The following MOGAT2 variants were observed in gnomAD, a reference collection of about 807,000 sequenced individuals.
MOGAT2 encodes 2-acylglycerol O-acyltransferase 2.
Under a neutral mutation model 31.5 loss-of-function variants are expected in MOGAT2, and 27 were observed. The ratio of observed to expected loss-of-function variants is 0.86; its 90% CI spans 0.63 to 1.18. MOGAT2 has a LOEUF of 1.18. Ranked by LOEUF, MOGAT2 falls within the 50% of genes most tolerant of loss-of-function variation. MOGAT2 has a pLI of 0.00. For synonymous variants in MOGAT2, 163 were observed against 170.0 expected (o/e 0.96, Z 0.32); for missense variants, 436 against 433.2 (o/e 1.01, Z -0.06).
At chr11:75,729,081 C>T in intron 5 of MOGAT2, 92 bp downstream of exon 5, 1 of 1,236,582 alleles carries the variant, frequency 8.1e-7, no homozygotes. Context: ...CAGATTTATT[C>T]CTGCCCTAAT....
rs528469190 is a variant in MOGAT2 at position 75,720,094 on chromosome 11, G to A, written c.194G>A (p.Arg65Gln). ...TGGTATCTGGACCGAGACAAGCCAC[G>A]GCAGGGGGGCCGGCACATCCAGGCC... The part of the protein sequence containing the change: ...AWWYLDRDKP[R>Q]QGGRHIQAIR... Residue 65 changes from arginine (R) to glutamine (Q), a missense_variant, in exon 2 of 6, where the codon CGG (arginine) becomes CAG (glutamine). Physicochemically the swap from Arg to Gln is conservative, Grantham distance 43 (BLOSUM62 1). Coordinates refer to ENST00000198801, the MANE Select transcript of MOGAT2 (RefSeq NM_025098.4). The A allele has an allele frequency of 1.6e-5, 26 of 1,614,152 alleles. No homozygotes were observed. Among genetic ancestry groups the A allele is most frequent in the East Asian group, 1.3e-4 (6 of 44,880 alleles).
intron 4 of MOGAT2, 112 bp downstream of exon 4, chr11:75,728,256 C>A: frequency 8.0e-7 from 1 of 1,242,316 alleles, no homozygotes; most frequent in Non-Finnish European, 1.1e-6. Context: ...TAGAGATTTT[C>A]AGTCCATTCA....
At chr11:75,729,929 G>A (rs925398810) in intron 5 of MOGAT2, among the ~76,000 whole-genome samples, 3 of 151,652 alleles carry the variant, frequency 2.0e-5, no homozygotes, top group Admixed American at 6.6e-5. Context: ...ATTTTTAGTA[G>A]AGACAGGGTT....
intron 2 of MOGAT2, among the ~76,000 whole-genome samples, chr11:75,726,627 A>G (rs1555053389): frequency 6.9e-6 from 1 of 144,860 alleles, no homozygotes; most frequent in South Asian, 2.1e-4. Context: ...GCAACAATCT[A>G]TTTTTTTTTC....
Position 75,728,798 on chromosome 11 carries a change from T to C in MOGAT2, c.659T>C (p.Leu220Pro). Residue 220 changes from leucine to proline, a missense_variant, in exon 5 of 6, where the codon CTG becomes CCG. Leu to Pro is a moderately conservative substitution (Grantham distance 98, BLOSUM62 -3). Coordinates refer to ENST00000198801, the MANE Select transcript of MOGAT2 (RefSeq NM_025098.4). ...CCTCTATTTGTCTCCAGGGCACCCC[T>C]GGTGCCAATCTTCTCCTTCGGGGAG... The part of the protein sequence containing the change: ...VRLALTHGAP[L>P]VPIFSFGEND... 6.2e-7 allele frequency: 1 copy of C among 1,613,776 alleles called. No homozygotes were observed. Among genetic ancestry groups the C allele is most frequent in the South Asian group, 1.1e-5 (1 of 91,074 alleles).
intron 4 of MOGAT2, 67 bp downstream of exon 4, chr11:75,728,211 G>A (rs1944440491): frequency 1.0e-5 from 15 of 1,480,326 alleles, no homozygotes; most frequent in Non-Finnish European, 1.4e-5. Context: ...ATTTTGGTGG[G>A]AAGATGGCAG....
At chr11:75,721,660 G>A (rs983028844) in intron 2 of MOGAT2, among the ~76,000 whole-genome samples, 3 of 152,108 alleles carry the variant, frequency 2.0e-5, no homozygotes, top group African/African-American at 2.4e-5. Flanking sequence ...AAGTGTGGTC[G>A]TGACCTCGAG....
At chr11:75,728,506 G>C (rs888305680) in intron 4 of MOGAT2, 17 of 554,826 alleles carry the variant, frequency 3.1e-5, no homozygotes, top group Non-Finnish European at 4.8e-5. Flanking sequence ...TATTTTTCTA[G>C]GAAAAACAAT....
intron 4 of MOGAT2, chr11:75,728,408 A>G (rs912932973): frequency 3.3e-6 from 2 of 610,882 alleles, no homozygotes; most frequent in Non-Finnish European, 5.9e-6. Context: ...GGTATCTAGA[A>G]GAGTGATATT....
chr11:75,725,370 CA>C (rs1944412442), intron 2 of MOGAT2, among the ~76,000 whole-genome samples: 1 of 151,980 alleles, frequency 6.6e-6, no homozygotes, highest in Non-Finnish European at 1.5e-5. Context: ...CATGGTGAAA[CA>C]CCCTGTCTCT....
intron 1 of MOGAT2, among the ~76,000 whole-genome samples, chr11:75,718,515 G>A (rs1448995599): frequency 3.9e-5 from 6 of 152,158 alleles, no homozygotes; most frequent in African/African-American, 7.2e-5. Context: ...ACTGACTTTA[G>A]CCAGCCCATG....
At chr11:75,719,473 C>G (rs746600526) in intron 1 of MOGAT2, 3 of 154,300 alleles carry the variant, frequency 1.9e-5, no homozygotes, top group Admixed American at 1.9e-4. Context: ...TTGGACTGTG[C>G]CCAAAGTTAT....
At position 75,731,130 on chromosome 11, in the gene MOGAT2, A is replaced by G. The variant is rs756544809; in HGVS notation, c.851-2A>G. Reference sequence around the variant, plus strand: ...GCCACTGCACACCTCTATGCCTTGCAGTGGGGAAGCCCATCGAGGTACAGA... The same window carrying G: ...GCCACTGCACACCTCTATGCCTTGCGGTGGGGAAGCCCATCGAGGTACAGA... On this transcript the variant is annotated splice_acceptor_variant, in intron 5 of 5. Coordinates refer to ENST00000198801, the MANE Select transcript of MOGAT2 (RefSeq NM_025098.4). LOFTEE classifies it high-confidence loss of function. The G allele has an allele frequency of 9.3e-6, 15 of 1,613,640 alleles. No individual in the cohort carries two copies. Among genetic ancestry groups the G allele is most frequent in the Non-Finnish European group, 1.1e-5 (13 of 1,179,894 alleles).
At chr11:75,723,446 C>T (rs551616200) in intron 2 of MOGAT2, among the ~76,000 whole-genome samples, 12 of 151,828 alleles carry the variant, frequency 7.9e-5, no homozygotes, top group Non-Finnish European at 1.3e-4. Context: ...ATAGACCCTC[C>T]CACCCTCCCA....
chr11:75,723,998 T>G (rs1944398553), intron 2 of MOGAT2, among the ~76,000 whole-genome samples: 1 of 152,128 alleles, frequency 6.6e-6, no homozygotes, highest in African/African-American at 2.4e-5. Context: ...CCTTGAACCC[T>G]GTAGCAACCC....
intron 5 of MOGAT2, among the ~76,000 whole-genome samples, chr11:75,730,351 A>G (rs1355813765): frequency 3.3e-5 from 5 of 152,192 alleles, no homozygotes; most frequent in Non-Finnish European, 5.9e-5. Context: ...TGCCTGGGCT[A>G]TGAACACACC....
chr11:75,723,621 C>T (rs1022097995), intron 2 of MOGAT2, among the ~76,000 whole-genome samples: 1 of 152,170 alleles, frequency 6.6e-6, no homozygotes, highest in Admixed American at 6.5e-5. Context: ...GATGGAGTCT[C>T]ACTGTGTTGC....
rs542149062 is a variant in MOGAT2, at chr11:75,728,885, G to T, written c.746G>T (p.Arg249Leu). 4.3e-6 allele frequency: 7 copies of T among 1,614,032 alleles called. No individual in the cohort carries two copies. The African/African-American group carries it at 8.0e-5, about 18-fold the overall frequency. Residue 249 changes from arginine to leucine, a missense_variant, in exon 5 of 6, where the codon CGG (arginine) becomes CTG (leucine). Physicochemically the swap from Arg to Leu is moderately radical, Grantham distance 102 (BLOSUM62 -2). Transcript: ENST00000198801. ...TCCTGGTTACGCTATATCCAGAATCGGTTGCAGAAGATCATGGGCATCTCC... is the reference window on the plus strand; with the variant it reads ...TCCTGGTTACGCTATATCCAGAATCTGTTGCAGAAGATCATGGGCATCTCC... ...SGSWLRYIQN[R>L]LQKIMGISLP...
chr11:75,720,163 C>T lies in MOGAT2; in HGVS notation c.263C>T (p.Pro88Leu), dbSNP rs776818872. 2 of 1,612,298 alleles carry T rather than the reference C, an allele frequency of 1.2e-6. No individual in the cohort carries two copies. The highest frequency in any genetic ancestry group is 8.5e-7 in the Non-Finnish European group (1 of 1,178,948). Reference sequence around the variant, plus strand: ...TGGAAGTACATGAAGGACTATTTCCCCATCTCGGTGAGTATTGAGGCTGGT... The same window carrying T: ...TGGAAGTACATGAAGGACTATTTCCTCATCTCGGTGAGTATTGAGGCTGGT... Reference protein sequence around the residue: ...TIWKYMKDYFPISLVKTAELD... With the variant: ...TIWKYMKDYFLISLVKTAELD... Residue 88 changes from proline to leucine, a missense_variant, in exon 2 of 6, where the codon CCC (proline) becomes CTC (leucine). By Grantham distance (98) the Pro-to-Leu change is moderately conservative (BLOSUM62 -3). Transcript: ENST00000198801.
Sources: gnomAD v4.1 joint callset for allele counts (sites outside exome capture counted in the v4.1 genomes callset) on GRCh38, gnomAD v4.1.1 for gene constraint, MANE v1.5 for transcripts, NCBI Gene and HGNC (gene_info 2026-07-23, HGNC 2026-07-21) for gene names.